Variants in BTD observed in about 807,000 individuals in gnomAD.
BTD encodes biotinidase, also known as biocytinase.
Under a neutral mutation model 17.7 loss-of-function variants are expected in BTD, and 13 were observed. The observed-to-expected ratio is 0.74, with a 90% confidence interval of 0.48 to 1.17. BTD has a LOEUF of 1.17. BTD is among the 50% of genes most tolerant of loss of function. BTD has a pLI of 0.00. For synonymous variants in BTD, 240 were observed against 245.2 expected (o/e 0.98, Z 0.20); for missense variants, 674 against 650.4 (o/e 1.04, Z -0.39).
At chr3:15,637,814 A>T (rs2065391284) in intron 2 of BTD, among the ~76,000 whole-genome samples, 1 of 152,160 alleles carries the variant, frequency 6.6e-6, no homozygotes, top group Admixed American at 6.5e-5. Context: ...TGAAACCCAG[A>T]CTGTGGCTGT....
intron 3 of BTD, among the ~76,000 whole-genome samples, chr3:15,659,416 G>A (rs1448814116): frequency 6.6e-6 from 1 of 152,168 alleles, no homozygotes; most frequent in Non-Finnish European, 1.5e-5. Flanking sequence ...AGACACACAT[G>A]GCAGGTAGGA....
intron 3 of BTD, chr3:15,686,513 A>C (rs2068146463): frequency 3.5e-6 from 2 of 579,480 alleles, no homozygotes; most frequent in Non-Finnish European, 3.0e-6. Flanking sequence ...TCACAGTAAA[A>C]CATGACAGGC....
In BTD at chr3:15,652,658, G is replaced by A. The variant is rs1230408171; in HGVS notation, c.*7170G>A. 2.6e-5 allele frequency among the ~76,000 whole-genome samples: 4 copies of A among 152,292 alleles called. No individual in the cohort carries two copies. Among genetic ancestry groups the A allele is most frequent in the African/African-American group, 9.6e-5 (4 of 41,562 alleles). On this transcript the variant is annotated 3_prime_UTR_variant, in exon 4 of 4. Coordinates refer to ENST00000643237, the MANE Select transcript of BTD (RefSeq NM_001370658.1). ...GTTGTTTTAAAATCCTAGGTTTTGA[G>A]GTAATTTATTATACAGCAATAGAAA...
upstream of BTD, chr3:15,601,473 A>G (rs763912304): frequency 6.2e-7 from 1 of 1,612,386 alleles, no homozygotes; most frequent in South Asian, 1.1e-5. Context: ...TCTTCCACCG[A>G]AAAGCTCTAA....
chr3:15,669,970 G>C (rs2066193024), intron 3 of BTD: 1 of 305,054 alleles, frequency 3.3e-6, no homozygotes, highest in African/African-American at 2.1e-5. Context: ...TGTGTAAGCA[G>C]GTTAGAGTGC....
At chr3:15,668,786 T>G (rs2125559838) in intron 3 of BTD, 1 of 152,770 alleles carries the variant, frequency 6.5e-6, no homozygotes, top group Admixed American at 6.5e-5. Flanking sequence ...GTTTTCACAC[T>G]TTATATTCAG....
At chr3:15,606,187 C>G (rs908877478) in intron 1 of BTD, among the ~76,000 whole-genome samples, 6 of 151,974 alleles carry the variant, frequency 3.9e-5, no homozygotes, top group Non-Finnish European at 7.4e-5. Flanking sequence ...TTGTGACAGT[C>G]TCTGCCCCTG....
rs745648160 is a variant in BTD at position 15,601,896 on chromosome 3, T to A, written c.-17+2T>A. 1 of 1,613,614 alleles carries A rather than the reference T, an allele frequency of 6.2e-7. No homozygotes were observed. Among genetic ancestry groups the A allele is most frequent in the Non-Finnish European group, 8.5e-7 (1 of 1,179,980 alleles). On this transcript the variant is annotated splice_donor_variant, in intron 1 of 3. Transcript: ENST00000643237. LOFTEE classifies it low-confidence loss of function (5UTR_SPLICE). Reference sequence around the variant, plus strand: ...GGGCGGAAGGCGCGCTAAGAGCAGGTACGGAGGGGGCGTGGTGCGGCGCGG... The same window carrying A: ...GGGCGGAAGGCGCGCTAAGAGCAGGAACGGAGGGGGCGTGGTGCGGCGCGG...
chr3:15,601,691 T>C, upstream of BTD: 1 of 1,557,044 alleles, frequency 6.4e-7, no homozygotes, highest in Non-Finnish European at 8.7e-7. Flanking sequence ...AACTGCGCTC[T>C]CTTCTCGGCT....
intron 1 of BTD, among the ~76,000 whole-genome samples, chr3:15,617,997 C>G (rs1014397335): frequency 6.6e-6 from 1 of 152,186 alleles, no homozygotes; most frequent in African/African-American, 2.4e-5. Context: ...GCTCTGTCAT[C>G]CAGGCTGGAA....
At chr3:15,672,850 A>C (rs1028450334) in intron 3 of BTD, among the ~76,000 whole-genome samples, 4 of 152,232 alleles carry the variant, frequency 2.6e-5, no homozygotes, top group Non-Finnish European at 5.9e-5. Context: ...ATCTCGGCTC[A>C]CTGCAACTTC....
At chr3:15,606,087 C>G (rs937424507) in intron 1 of BTD, among the ~76,000 whole-genome samples, 9 of 147,142 alleles carry the variant, frequency 6.1e-5, no homozygotes, top group African/African-American at 2.3e-4. Flanking sequence ...CATCTTTGCA[C>G]TTTGAGTAGT....
chr3:15,699,982 A>G (rs912117367), intron 3 of BTD, among the ~76,000 whole-genome samples: 1 of 152,226 alleles, frequency 6.6e-6, no homozygotes, highest in Admixed American at 6.5e-5. Flanking sequence ...CTTGGAACCA[A>G]CCCAAATGTC....
rs922067315 is a variant in BTD, at chr3:15,699,883, G to A, written c.400-10177G>A. ...CATTTGACCCAGCCATCCCATTACT[G>A]GGTATATACCCAAAGGATTATAAAT... On this transcript the variant is annotated intron_variant, in intron 3 of 3. Coordinates refer to the BTD transcript ENST00000672141. Among the ~76,000 whole-genome samples the A allele has an allele frequency of 3.9e-5, 6 of 152,250 alleles. No individual in the cohort carries two copies. In the South Asian group the frequency reaches 1.0e-3, roughly 26 times the overall value.
At chr3:15,632,052 G>GCTCTCTGCCTGC (rs2065225480) in intron 1 of BTD, among the ~76,000 whole-genome samples, 1 of 152,124 alleles carries the variant, frequency 6.6e-6, no homozygotes, top group African/African-American at 2.4e-5. Context: ...CGCCCGTGAG[G>GCTCTCTGCCTGC]CATGCTCCTG....
intron 1 of BTD, among the ~76,000 whole-genome samples, chr3:15,617,570 T>C (rs2064831041): frequency 1.3e-5 from 2 of 152,212 alleles, no homozygotes; most frequent in African/African-American, 4.8e-5. Context: ...TTGTCAAAGA[T>C]GAGTTAACTA....
rs761004655 is a variant in BTD, at chr3:15,670,414, G to T, written c.399+28357G>T. The T allele has an allele frequency of 4.3e-6, 7 of 1,613,926 alleles. No individual in the cohort carries two copies. In the South Asian group the frequency reaches 7.7e-5, roughly 18 times the overall value. ...AAGCTTCAAAGCTGACTGTTTTTGA[G>T]GTGTTGGTATAACGGTTAATGGCAT... On this transcript the variant is annotated intron_variant, in intron 3 of 3. Transcript: ENST00000672141.
exon 4 of BTD, among the ~76,000 whole-genome samples, chr3:15,710,314 C>T (rs1228739580): frequency 6.6e-6 from 1 of 152,114 alleles, no homozygotes; most frequent in Non-Finnish European, 1.5e-5. Context: ...ACTGTATAAA[C>T]CTCAACATCA....
chr3:15,663,941 G>GC (rs1281105620), intron 3 of BTD, among the ~76,000 whole-genome samples: 1 of 152,092 alleles, frequency 6.6e-6, no homozygotes, highest in Admixed American at 6.5e-5. Context: ...CACTCTTGTT[G>GC]CCCAGGCTGG....
Sources: allele counts gnomAD v4.1 joint callset (sites outside exome capture counted in the v4.1 genomes callset), GRCh38; gene constraint gnomAD v4.1.1; transcripts MANE v1.5; gene names NCBI Gene and HGNC (gene_info 2026-07-23, HGNC 2026-07-21).